CNBD1: variants seen among roughly 807,000 people sequenced by gnomAD.
The protein encoded by CNBD1 is cyclic nucleotide-binding domain-containing protein 1.
Under a neutral mutation model 54.4 loss-of-function variants are expected in CNBD1, and 71 were observed. The observed-to-expected ratio is 1.30, with a 90% CI of 1.08 to 1.59. CNBD1 has a LOEUF of 1.59. Ranked by LOEUF, CNBD1 falls within the 40% of genes most tolerant of loss-of-function variation. CNBD1 has a pLI of 0.00. For missense variants in CNBD1, 659 were observed against 518.0 expected, an observed-to-expected ratio of 1.27 and a Z score of -2.64; for synonymous variants, 182 against 170.7, an observed-to-expected ratio of 1.07 and a Z score of -0.51.
At chr8:87,287,247 G>C (rs950992085) in intron 8 of CNBD1, among the ~76,000 whole-genome samples, 4 of 152,014 alleles carry the variant, frequency 2.6e-5, no homozygotes, top group African/African-American at 7.3e-5. Context: ...AGGTGGTATT[G>C]AGTCATTTTG....
At chr8:87,024,499 C>G (rs981053317) in intron 4 of CNBD1, among the ~76,000 whole-genome samples, 1 of 151,436 alleles carries the variant, frequency 6.6e-6, no homozygotes, top group African/African-American at 2.4e-5. Context: ...TGCCACCATG[C>G]CTGGCTAATT....
intron 6 of CNBD1, among the ~76,000 whole-genome samples, chr8:87,280,782 G>A (rs568257892): frequency 6.6e-5 from 10 of 151,348 alleles, no homozygotes; most frequent in South Asian, 4.2e-4. Context: ...GAGATTGTTC[G>A]GGTTATGTAT....
At chr8:86,964,315 A>G (rs1808014656) in intron 4 of CNBD1, among the ~76,000 whole-genome samples, 1 of 152,078 alleles carries the variant, frequency 6.6e-6, no homozygotes, top group African/African-American at 2.4e-5. Context: ...CCGTTTCATC[A>G]TTGGGGTCCC....
intron 4 of CNBD1, among the ~76,000 whole-genome samples, chr8:87,067,921 G>A (rs111441996): frequency 3.9e-5 from 6 of 151,938 alleles, no homozygotes; most frequent in African/African-American, 1.4e-4. Flanking sequence ...TGACCTAAGA[G>A]TAGTTAGCAC....
chr8:86,881,485 A>G (rs1165612064), intron 1 of CNBD1, among the ~76,000 whole-genome samples: 1 of 152,212 alleles, frequency 6.6e-6, no homozygotes, highest in African/African-American at 2.4e-5. Flanking sequence ...CTCTACAAGG[A>G]GAACTATAAA....
At chr8:87,333,523 G>A (rs926270782) in intron 8 of CNBD1, among the ~76,000 whole-genome samples, 21 of 152,036 alleles carry the variant, frequency 1.4e-4, no homozygotes, top group Non-Finnish European at 2.5e-4. Context: ...GTCATAAATA[G>A]CTCTTATTAT....
intron 10 of CNBD1, among the ~76,000 whole-genome samples, chr8:87,377,358 T>C (rs963916101): frequency 6.9e-6 from 1 of 145,186 alleles, no homozygotes; most frequent in East Asian, 2.2e-4. Context: ...TGTGTCCATG[T>C]GTTCTCCTTG....
rs540376478 is a variant in CNBD1 at position 87,369,901 on chromosome 8, C to G, written c.1304-12719C>G. ...ACTCCCCCGACCCCACAACAGTCCCCAGAGTGTGATGTTCCCCTTCCTGTG... is the reference window on the plus strand; with the variant it reads ...ACTCCCCCGACCCCACAACAGTCCCGAGAGTGTGATGTTCCCCTTCCTGTG... On this transcript the variant is annotated intron_variant, in intron 10 of 10. Transcript: ENST00000518476. 3.3e-5 allele frequency among the ~76,000 whole-genome samples: 5 copies of G among 150,858 alleles called. No individual in the cohort carries two copies. In the East Asian group the frequency reaches 9.7e-4, roughly 29 times the overall value.
intron 3 of CNBD1, among the ~76,000 whole-genome samples, chr8:86,939,149 T>C (rs989335619): frequency 1.3e-5 from 2 of 152,140 alleles, no homozygotes; most frequent in African/African-American, 4.8e-5. Context: ...TAAGATATGG[T>C]GGCTATCTTC....
chr8:87,287,760 C>A (rs1808724383), intron 8 of CNBD1, among the ~76,000 whole-genome samples: 1 of 152,006 alleles, frequency 6.6e-6, no homozygotes, highest in African/African-American at 2.4e-5. Flanking sequence ...CTTTAAAAAG[C>A]AGGGATACTC....
At chr8:87,351,613 TG>T in intron 8 of CNBD1, 71 bp from the exon 9 acceptor site, 1 of 1,331,904 alleles carries the variant, frequency 7.5e-7, no homozygotes, top group East Asian at 2.9e-5. Context: ...CATTAACTTT[TG>T]TTGCTAAAAT....
intron 6 of CNBD1, among the ~76,000 whole-genome samples, chr8:87,276,722 A>T (rs1407700274): frequency 6.6e-6 from 1 of 151,908 alleles, no homozygotes; most frequent in Non-Finnish European, 1.5e-5. Flanking sequence ...AACCAAGATT[A>T]GAGTGGCTAT....
chr8:87,390,746 T>A (rs761088462), intron 2 of CNBD1, among the ~76,000 whole-genome samples: 22 of 152,292 alleles, frequency 1.4e-4, no homozygotes, highest in African/African-American at 5.3e-4. Flanking sequence ...ACTGGGTATA[T>A]ACCCGAAGGC....
Position 87,424,816 on chromosome 8 carries a change from C to T in CNBD1, c.214-3730C>T, listed in dbSNP as rs1212627522. Among the ~76,000 whole-genome samples the T allele has an allele frequency of 3.9e-5, 6 of 152,188 alleles. No homozygotes were observed. In the East Asian group the frequency reaches 1.2e-3, roughly 29 times the overall value. On this transcript the variant is annotated intron_variant, in intron 2 of 7. Transcript: ENST00000521593. ...TATGTGTCTTGGAGTTGCTCTTCTCCAGGAGTATCTTTGTGGCATTCTCTG... is the reference window on the plus strand; with the variant it reads ...TATGTGTCTTGGAGTTGCTCTTCTCTAGGAGTATCTTTGTGGCATTCTCTG...
chr8:87,085,161 A>C (rs1430297500), intron 4 of CNBD1, among the ~76,000 whole-genome samples: 2 of 152,074 alleles, frequency 1.3e-5, no homozygotes, highest in Non-Finnish European at 2.9e-5. Context: ...GATGGTTTGC[A>C]ATTCATCCAC....
chr8:87,217,164 G>A (rs1396594599), intron 5 of CNBD1, among the ~76,000 whole-genome samples: 1 of 151,962 alleles, frequency 6.6e-6, no homozygotes, highest in Non-Finnish European at 1.5e-5. Flanking sequence ...TAATGGCAAA[G>A]GAAAATAATA....
In CNBD1 at chr8:86,873,076, TTTGTTGTTG is replaced by T. The variant is rs141839544; in HGVS notation, c.88+6508_88+6516del. Among the ~76,000 whole-genome samples, 9 of 151,006 alleles carry T rather than the reference TTTGTTGTTG, an allele frequency of 6.0e-5. No individual in the cohort carries two copies. In the East Asian group the frequency reaches 7.8e-4, roughly 13 times the overall value. On this transcript the variant is annotated intron_variant, in intron 1 of 10. Coordinates refer to ENST00000518476, the MANE Select transcript of CNBD1 (RefSeq NM_173538.3). ...CTGAGCAACAGCACAAGGCCCTGTT[TTTGTTGTTG>T]TTGTTGTTGTTGTTTTAGTTTTTTT...
At chr8:87,343,506 C>T (rs1332758593) in intron 8 of CNBD1, among the ~76,000 whole-genome samples, 1 of 152,158 alleles carries the variant, frequency 6.6e-6, no homozygotes, top group African/African-American at 2.4e-5. Context: ...ATTCGGGGTC[C>T]CTGACTTCCC....
At chr8:87,250,787 G>A (rs962600729) in intron 6 of CNBD1, among the ~76,000 whole-genome samples, 4 of 152,198 alleles carry the variant, frequency 2.6e-5, no homozygotes, top group Non-Finnish European at 2.9e-5. Flanking sequence ...TGAACTCATG[G>A]AGATAGTGAG....
Sources: allele counts gnomAD v4.1 joint callset (sites outside exome capture counted in the v4.1 genomes callset), GRCh38; gene constraint gnomAD v4.1.1; transcripts MANE v1.5; gene names NCBI Gene and HGNC (gene_info 2026-07-23, HGNC 2026-07-21).